MRPS6: variants seen among roughly 807,000 people sequenced by gnomAD.
MRPS6 encodes mitochondrial ribosomal protein S6, also known as small ribosomal subunit protein bS6m.
Under a neutral mutation model 13.1 loss-of-function variants are expected in MRPS6, and 6 were observed. The observed-to-expected ratio is 0.46, with a 90% CI of 0.25 to 0.91. The LOEUF is 0.91. Ranked by LOEUF, MRPS6 falls within the 40% of genes least tolerant of loss-of-function variation. The probability of loss-of-function intolerance (pLI) is 0.18; values close to 1 mark genes in which losing one functional copy is unlikely to be tolerated. For synonymous variants in MRPS6, 61 were observed against 56.5 expected (o/e 1.08, Z -0.36); for missense variants, 164 against 155.6 (o/e 1.05, Z -0.29).
intron 2 of MRPS6, among the ~76,000 whole-genome samples, chr21:34,126,879 G>A (rs1463682535): frequency 2.0e-5 from 3 of 152,114 alleles, no homozygotes; most frequent in Non-Finnish European, 4.4e-5. Flanking sequence ...TAATGCTGAC[G>A]TCACTTGTCT....
At chr21:34,101,433 G>T (rs1979232479) in intron 1 of MRPS6, 1 of 1,000,032 alleles carries the variant, frequency 1.0e-6, no homozygotes. Flanking sequence ...GTAAGATTTT[G>T]CATTAGCCAG....
At chr21:34,091,753 C>G (rs1978706041) in intron 1 of MRPS6, among the ~76,000 whole-genome samples, 1 of 152,194 alleles carries the variant, frequency 6.6e-6, no homozygotes, top group African/African-American at 2.4e-5. Context: ...GGAATCTGCT[C>G]TGTTTCAAAG....
chr21:34,075,845 G>C lies in MRPS6; in HGVS notation c.45+2100G>C, dbSNP rs187617197. Among the ~76,000 whole-genome samples, 420 of 152,274 alleles carry C rather than the reference G, an allele frequency of 2.8e-3. 5 individuals are homozygous for C. Among genetic ancestry groups the C allele is most frequent in the Non-Finnish European group, 4.1e-3 (280 of 68,016 alleles). On this transcript the variant is annotated intron_variant, in intron 1 of 2. Transcript: ENST00000399312. ...GGATTCTAAAATAGGATGAATGTTT[G>C]GGGGGAAACGAATTTAAAAAGTTAA...
intron 1 of MRPS6, 108 bp from the exon 2 acceptor site, chr21:34,125,233 C>A: frequency 6.8e-7 from 1 of 1,469,006 alleles, no homozygotes; most frequent in Non-Finnish European, 9.0e-7. Flanking sequence ...CCAGCGATTC[C>A]TACCAGTAGA....
intron 1 of MRPS6, among the ~76,000 whole-genome samples, chr21:34,112,090 T>G (rs1979722931): frequency 6.6e-6 from 1 of 152,122 alleles, no homozygotes; most frequent in Non-Finnish European, 1.5e-5. Flanking sequence ...CAAAAAATAC[T>G]CTGTTTTCCT....
At chr21:34,084,800 T>A (rs1309499352) in intron 1 of MRPS6, among the ~76,000 whole-genome samples, 2 of 152,206 alleles carry the variant, frequency 1.3e-5, no homozygotes, top group African/African-American at 4.8e-5. Context: ...TATCTTAAAA[T>A]TTTTTTCATT....
Position 34,125,479 on chromosome 21 carries a change from G to A in MRPS6, c.184G>A (p.Gly62Arg), listed in dbSNP as rs557958888. 1.5e-5 allele frequency: 24 copies of A among 1,612,624 alleles called. No individual in the cohort carries two copies. Among genetic ancestry groups the A allele is most frequent in the Admixed American group, 8.4e-5 (5 of 59,666 alleles). Residue 62 changes from glycine (G) to arginine (R), a missense_variant and splice_region_variant, in exon 2 of 3, where the codon GGG becomes AGG. Coordinates refer to ENST00000399312, the MANE Select transcript of MRPS6 (RefSeq NM_032476.4). ...CCACAGTCAGCAGCACAACAGAGGC[G>A]GGTAAGTTTCTTCATGAAGTCTTGA... The part of the protein sequence containing the change: ...SAHSQQHNRG[G>R]YFLVDFYAPT...
intron 1 of MRPS6, chr21:34,104,123 T>G (rs1284783204): frequency 3.2e-5 from 32 of 999,798 alleles, no homozygotes; most frequent in Non-Finnish European, 3.9e-5. Flanking sequence ...GAAGTTACCT[T>G]TATTTTTTTC....
intron 1 of MRPS6, among the ~76,000 whole-genome samples, chr21:34,083,314 T>G (rs531264572): frequency 6.6e-6 from 1 of 152,356 alleles, no homozygotes; most frequent in Non-Finnish European, 1.5e-5. Context: ...GTTAGAAAGG[T>G]GCAGAATCAG....
At chr21:34,123,782 C>G (rs999963972) in intron 1 of MRPS6, 1 of 152,136 alleles carries the variant, frequency 6.6e-6, no homozygotes, top group African/African-American at 2.4e-5. Context: ...CCATTGTTCT[C>G]ATACCTCTAC....
At position 34,142,604 on chromosome 21, in the gene MRPS6, G is replaced by A. The variant is rs1214299023; in HGVS notation, c.*4G>A. 3 of 1,591,628 alleles carry A rather than the reference G, an allele frequency of 1.9e-6. No individual in the cohort carries two copies. Among genetic ancestry groups the A allele is most frequent in the Non-Finnish European group, 2.6e-6 (3 of 1,171,522 alleles). On this transcript the variant is annotated 3_prime_UTR_variant, in exon 3 of 3. Coordinates refer to ENST00000399312, the MANE Select transcript of MRPS6 (RefSeq NM_032476.4). ...CACAAAGAAGAGGAAGAAGTGAGAA[G>A]ATTCGCCAGATTTTAGCCTTATATG... is the stretch of plus-strand genomic sequence containing the variant.
At chr21:34,123,845 T>C (rs557757887) in intron 1 of MRPS6, 1 of 152,338 alleles carries the variant, frequency 6.6e-6, no homozygotes, top group South Asian at 2.1e-4. Flanking sequence ...AATGCCCATG[T>C]AGCTACCACA....
At chr21:34,110,518 C>G (rs1248505537) in intron 1 of MRPS6, among the ~76,000 whole-genome samples, 1 of 151,880 alleles carries the variant, frequency 6.6e-6, no homozygotes, top group Non-Finnish European at 1.5e-5. Context: ...ATAGGTGATT[C>G]TTTTATACAA....
intron 1 of MRPS6, chr21:34,105,696 T>C (rs1308882638): frequency 1.0e-6 from 1 of 998,586 alleles, no homozygotes; most frequent in African/African-American, 1.7e-5. Flanking sequence ...TATTAGTGAG[T>C]TTTTTGAATT....
chr21:34,137,972 T>G lies in MRPS6; in HGVS notation c.186-4436T>G, dbSNP rs1980767237. On this transcript the variant is annotated intron_variant, in intron 2 of 2. Coordinates refer to ENST00000399312, the MANE Select transcript of MRPS6 (RefSeq NM_032476.4). ...CCTGCTTGGTCATGGTATATTGTAT[T>G]TTTTAATATATGATAGTAGTGAATT... Among the ~76,000 whole-genome samples the G allele has an allele frequency of 2.0e-5, 3 of 152,188 alleles. No individual in the cohort carries two copies. The South Asian group carries it at 6.2e-4, about 32-fold the overall frequency.
intron 1 of MRPS6, chr21:34,097,832 T>C: frequency 2.0e-6 from 2 of 997,918 alleles, no homozygotes; most frequent in Non-Finnish European, 2.4e-6. Flanking sequence ...GAAAATCGAA[T>C]GTGCTTGTGT....
chr21:34,081,998 C>A lies in MRPS6; in HGVS notation c.45+8253C>A, dbSNP rs142854925. On this transcript the variant is annotated intron_variant, in intron 1 of 2. Transcript: ENST00000399312. ...AGGGGTGTGGGCCTGGTTTTGCCAGCTTTTTTTTTCTCTCTTCCTCCTACC... is the reference window on the plus strand; with the variant it reads ...AGGGGTGTGGGCCTGGTTTTGCCAGATTTTTTTTTCTCTCTTCCTCCTACC... Among the ~76,000 whole-genome samples the A allele has an allele frequency of 3.6e-3, 534 of 149,120 alleles. 2 individuals are homozygous for A. Among genetic ancestry groups the A allele is most frequent in the Non-Finnish European group, 5.5e-3 (373 of 67,340 alleles).
chr21:34,082,889 C>A (rs1569413076), intron 1 of MRPS6, among the ~76,000 whole-genome samples: 1 of 152,118 alleles, frequency 6.6e-6, no homozygotes, highest in African/African-American at 2.4e-5. Flanking sequence ...ATTACAGTCC[C>A]AGGTAAGGTA....
intron 1 of MRPS6, among the ~76,000 whole-genome samples, chr21:34,091,755 G>T (rs1278094504): frequency 6.6e-6 from 1 of 152,130 alleles, no homozygotes; most frequent in Non-Finnish European, 1.5e-5. Flanking sequence ...AATCTGCTCT[G>T]TTTCAAAGCA....
Sources: allele counts gnomAD v4.1 joint callset (sites outside exome capture counted in the v4.1 genomes callset), GRCh38; gene constraint gnomAD v4.1.1; transcripts MANE v1.5; gene names NCBI Gene and HGNC (gene_info 2026-07-23, HGNC 2026-07-21).